CRKL: variants seen among roughly 807,000 people sequenced by gnomAD.
CRKL encodes the protein CRK like proto-oncogene, adaptor protein, also known as crk-like protein.
Under a neutral mutation model 23.0 loss-of-function variants are expected in CRKL, and 3 were observed. The observed-to-expected ratio is 0.13, with a 90% CI of 0.06 to 0.34. The LOEUF is 0.34. CRKL is among the 10% of genes least tolerant of loss of function. CRKL has a pLI of 1.00. For missense variants in CRKL, 256 were observed against 394.5 expected (o/e 0.65, Z 2.97); for synonymous variants, 188 against 160.7 (o/e 1.17, Z -1.28).
At chr22:20,941,234 G>C (rs542331413) in intron 2 of CRKL, among the ~76,000 whole-genome samples, 3 of 151,948 alleles carry the variant, frequency 2.0e-5, no homozygotes, top group Non-Finnish European at 4.4e-5. Context: ...AAGAATCTCA[G>C]GTGTGTCCTT....
chr22:20,951,699 A>G lies in CRKL; in HGVS notation c.*1854A>G, dbSNP rs1601688991. 1 of 224,556 alleles carries G rather than the reference A, an allele frequency of 4.5e-6. No homozygotes were observed. Among genetic ancestry groups the G allele is most frequent in the East Asian group, 6.5e-5 (1 of 15,498 alleles). 13.9% of individuals were successfully genotyped at this position (224,556 alleles called of 1,614,324 possible). On this transcript the variant is annotated 3_prime_UTR_variant, in exon 3 of 3. Coordinates refer to ENST00000354336, the MANE Select transcript of CRKL (RefSeq NM_005207.4). ...TGAGATTTAGAGCAATGCATTCTGGAGACAGAACCAGCAGAACAGCCATTT... is the reference window on the plus strand; with the variant it reads ...TGAGATTTAGAGCAATGCATTCTGGGGACAGAACCAGCAGAACAGCCATTT...
intron 2 of CRKL, among the ~76,000 whole-genome samples, chr22:20,946,387 A>G (rs762292631): frequency 6.6e-6 from 1 of 152,136 alleles, no homozygotes; most frequent in African/African-American, 2.4e-5. Flanking sequence ...AGGGCTGACT[A>G]GTGTCCCTGG....
At chr22:20,931,270 G>C (rs1400790126) in intron 1 of CRKL, among the ~76,000 whole-genome samples, 2 of 152,130 alleles carry the variant, frequency 1.3e-5, no homozygotes, top group Non-Finnish European at 2.9e-5. Context: ...GGCTGTGTGT[G>C]ATGGCAACTG....
intron 2 of CRKL, among the ~76,000 whole-genome samples, chr22:20,945,002 C>A (rs891420089): frequency 6.7e-6 from 1 of 149,506 alleles, no homozygotes; most frequent in African/African-American, 2.5e-5. Context: ...TACTTTCTTT[C>A]TTTTTTTTTG....
chr22:20,942,946 A>G (rs865829614), intron 2 of CRKL, among the ~76,000 whole-genome samples: 2 of 152,086 alleles, frequency 1.3e-5, no homozygotes, highest in African/African-American at 2.4e-5. Flanking sequence ...ACTATTTTCC[A>G]TAGCAGCTGT....
At chr22:20,929,067 C>T (rs1191424184) in intron 1 of CRKL, among the ~76,000 whole-genome samples, 1 of 152,158 alleles carries the variant, frequency 6.6e-6, no homozygotes, top group African/African-American at 2.4e-5. Context: ...AGGGGCTTTG[C>T]TGCTCAAAGT....
chr22:20,952,445 CA>C lies in CRKL; in HGVS notation c.*2601del, dbSNP rs1478870721. On this transcript the variant is annotated 3_prime_UTR_variant, in exon 3 of 3. Coordinates refer to ENST00000354336, the MANE Select transcript of CRKL (RefSeq NM_005207.4). ...CAAAACAAGGCGAGCTTGAGTTCTGCACTCCAGATATGTGCCAAAACTAGTA... is the reference window on the plus strand; with the variant it reads ...CAAAACAAGGCGAGCTTGAGTTCTGCCTCCAGATATGTGCCAAAACTAGTA... The C allele has an allele frequency of 9.1e-5, 21 of 231,054 alleles. No individual in the cohort carries two copies. Among genetic ancestry groups the C allele is most frequent in the African/African-American group, 4.6e-4 (21 of 45,246 alleles). The allele number at this position is 231,054 out of a possible 1,614,324, so 14.3% of individuals were successfully genotyped here. A position where few individuals can be genotyped will look rare whatever the true frequency, so the allele number is the denominator to read the frequency against.
rs1327696332 is a variant in CRKL at position 20,949,851 on chromosome 22, G to A, written c.*6G>A. 11 of 1,602,752 alleles carry A rather than the reference G, an allele frequency of 6.9e-6. No individual in the cohort carries two copies. The African/African-American group carries it at 1.3e-4, about 20-fold the overall frequency. ...ACCCAGATGAAAACGAGTGATTGCT[G>A]TTGCCCTGTTTCCTGCTGCTTTGTT... On this transcript the variant is annotated 3_prime_UTR_variant, in exon 3 of 3. Coordinates refer to ENST00000354336, the MANE Select transcript of CRKL (RefSeq NM_005207.4).
intron 2 of CRKL, among the ~76,000 whole-genome samples, chr22:20,939,587 TGTG>T (rs1268004985): frequency 6.6e-6 from 1 of 151,724 alleles, no homozygotes; most frequent in Non-Finnish European, 1.5e-5. Context: ...GTTGTATGGC[TGTG>T]GTAGCTGACA....
chr22:20,949,666 T>G (rs973799178), intron 2 of CRKL, 45 bp from the exon 3 acceptor site: 20 of 1,606,294 alleles, frequency 1.2e-5, no homozygotes, highest in Non-Finnish European at 1.5e-5. Flanking sequence ...ACTGTCTTTT[T>G]CTTGTTGCAG....
At chr22:20,925,208 G>A (rs1197188046) in intron 1 of CRKL, among the ~76,000 whole-genome samples, 2 of 130,326 alleles carry the variant, frequency 1.5e-5, no homozygotes, top group African/African-American at 2.8e-5. Flanking sequence ...AAAAAAAAGA[G>A]TTGTGTTCCC....
At chr22:20,949,542 C>T (rs1922190557) in intron 2 of CRKL, among the ~76,000 whole-genome samples, 169 bp from the exon 3 acceptor site, 1 of 152,210 alleles carries the variant, frequency 6.6e-6, no homozygotes, top group African/African-American at 2.4e-5. Context: ...TTAGAGGTTA[C>T]ATTGAGCAGG....
Position 20,949,819 on chromosome 22 carries a change from C to T in CRKL, c.886C>T (p.Pro296Ser), listed in dbSNP as rs1457428290. ...FPFTHVKIFD[P>S]QNPDENE ...CTTTACGCACGTCAAAATCTTTGAC[C>T]CTCAAAACCCAGATGAAAACGAGTG... The change falls in exon 3 of 3, where the codon CCT becomes TCT. Residue 296 changes from proline to serine, a missense_variant. Around this residue, in one of 3 missense-constraint regions of CRKL, gnomAD observed 129 missense variants for 222.1 expected, o/e 0.58. Coordinates refer to ENST00000354336, the MANE Select transcript of CRKL (RefSeq NM_005207.4). The T allele has an allele frequency of 1.9e-6, 3 of 1,609,276 alleles. No homozygotes were observed. The highest frequency in any genetic ancestry group is 1.1e-5 in the South Asian group (1 of 89,946).
rs1341141361 is a variant in CRKL, at chr22:20,953,591, ATTC to A, written c.*3749_*3751del. 4 of 217,532 alleles carry A rather than the reference ATTC, an allele frequency of 1.8e-5. No individual in the cohort carries two copies. Among genetic ancestry groups the A allele is most frequent in the Non-Finnish European group, 3.7e-5 (4 of 108,186 alleles). 13.5% of individuals were successfully genotyped at this position (217,532 alleles called of 1,614,324 possible). ...AAATTAACAGTATTAAATGACTTAT[ATTC>A]TTAGAATACATCGAGTGTCTTTTCT... On this transcript the variant is annotated 3_prime_UTR_variant, in exon 3 of 3. Coordinates refer to ENST00000354336, the MANE Select transcript of CRKL (RefSeq NM_005207.4).
intron 1 of CRKL, among the ~76,000 whole-genome samples, chr22:20,927,128 A>AAAAAAAAAGAAAAAAAAAAAAAG (rs1308213608): frequency 8.0e-6 from 1 of 125,768 alleles, no homozygotes; most frequent in East Asian, 3.1e-4. Flanking sequence ...AAAAAAAAAA[A>AAAAAAAAAGAAAAAAAAAAAAAG]AAAAAAAAGA....
At chr22:20,932,822 A>G (rs1921503618) in intron 1 of CRKL, among the ~76,000 whole-genome samples, 2 of 151,990 alleles carry the variant, frequency 1.3e-5, no homozygotes, top group Non-Finnish European at 2.9e-5. Context: ...CACACCTGTA[A>G]TGACAGCACT....
At chr22:20,926,926 A>G (rs1921223476) in intron 1 of CRKL, among the ~76,000 whole-genome samples, 1 of 151,848 alleles carries the variant, frequency 6.6e-6, no homozygotes, top group South Asian at 2.1e-4. Flanking sequence ...AGCCTGGCCA[A>G]CACAGTGAAA....
At position 20,919,172 on chromosome 22, in the gene CRKL, C is replaced by G. The variant is rs115726543; in HGVS notation, c.311+927C>G. Among the ~76,000 whole-genome samples, 1,031 of 152,130 alleles carry G rather than the reference C, an allele frequency of 6.8e-3. 7 individuals are homozygous for G. The highest frequency in any genetic ancestry group is 0.024 in the African/African-American group (998 of 41,512). The stretch of plus-strand genomic sequence containing the variant: ...AGAACTGTATATTGATACTGTGGTG[C>G]CAAGTTTGAAGCAGGCCAGACACCA... On this transcript the variant is annotated intron_variant, in intron 1 of 2. Coordinates refer to ENST00000354336, the MANE Select transcript of CRKL (RefSeq NM_005207.4).
intron 2 of CRKL, among the ~76,000 whole-genome samples, chr22:20,936,161 A>G (rs1264733844): frequency 6.6e-6 from 1 of 152,100 alleles, no homozygotes; most frequent in Non-Finnish European, 1.5e-5. Context: ...CCCTATCTCA[A>G]AAAAAGGGGG....
Sources: gnomAD v4.1 joint callset for allele counts (sites outside exome capture counted in the v4.1 genomes callset) on GRCh38, gnomAD v4.1.1 for gene constraint, gnomAD v4.1.1 regional missense constraint, MANE v1.5 for transcripts, NCBI Gene and HGNC (gene_info 2026-07-23, HGNC 2026-07-21) for gene names.